SUPT3H: variants seen among roughly 807,000 people sequenced by gnomAD.
SUPT3H encodes SPT3 homolog, SAGA and STAGA complex component.
Under a neutral mutation model 44.3 loss-of-function variants are expected in SUPT3H, and 44 were observed. The ratio of observed to expected loss-of-function variants is 0.99; its 90% CI spans 0.78 to 1.28. The LOEUF (loss-of-function observed/expected upper bound fraction) is 1.28, where lower values mean the gene tolerates loss of function less well. Among genes scored for constraint, SUPT3H ranks in the 50% most tolerant of loss-of-function variants. The probability of loss-of-function intolerance (pLI) is 0.00; values close to 1 mark genes in which losing one functional copy is unlikely to be tolerated. For synonymous variants in SUPT3H, 124 were observed against 125.6 expected, an observed-to-expected ratio of 0.99 and a Z score of 0.09; for missense variants, 380 against 387.1, an observed-to-expected ratio of 0.98 and a Z score of 0.15.
intron 3 of SUPT3H, among the ~76,000 whole-genome samples, chr6:45,069,323 C>T (rs770476175): frequency 6.6e-6 from 1 of 152,156 alleles, no homozygotes; most frequent in Middle Eastern, 3.4e-3. Flanking sequence ...TGACAAAAAA[C>T]GTGTTTAGGT....
chr6:44,906,504 C>T (rs1282224972), intron 10 of SUPT3H, among the ~76,000 whole-genome samples: 1 of 152,192 alleles, frequency 6.6e-6, no homozygotes, highest in Non-Finnish European at 1.5e-5. Context: ...TGGCTCATGC[C>T]TGTAATCGCA....
intron 2 of SUPT3H, among the ~76,000 whole-genome samples, chr6:45,108,170 A>G (rs145496618): frequency 1.3e-5 from 2 of 152,320 alleles, no homozygotes; most frequent in East Asian, 3.9e-4. Flanking sequence ...AGGCAAAGCA[A>G]TTAGGTAAGA....
chr6:45,062,314 T>C (rs1467444140), intron 3 of SUPT3H, among the ~76,000 whole-genome samples: 1 of 152,202 alleles, frequency 6.6e-6, no homozygotes, highest in Non-Finnish European at 1.5e-5. Context: ...TACTAAATTC[T>C]AGTTTTCAAG....
chr6:45,335,396 G>C (rs1418335049), intron 2 of SUPT3H, among the ~76,000 whole-genome samples: 1 of 151,138 alleles, frequency 6.6e-6, no homozygotes, highest in East Asian at 1.9e-4. Context: ...ACCTACTGCT[G>C]TATCACTATA....
chr6:45,215,769 T>C (rs912209713), intron 2 of SUPT3H, among the ~76,000 whole-genome samples: 6 of 152,104 alleles, frequency 3.9e-5, no homozygotes, highest in South Asian at 2.1e-4. Flanking sequence ...AGAAAACATG[T>C]TTAATGAAAT....
At chr6:45,237,295 C>A (rs1295794867) in intron 2 of SUPT3H, among the ~76,000 whole-genome samples, 2 of 152,156 alleles carry the variant, frequency 1.3e-5, no homozygotes, top group Non-Finnish European at 2.9e-5. Context: ...TCAACCCACT[C>A]AATTTAACAT....
rs141745038 is a variant in SUPT3H, at chr6:44,890,917, C to T, written c.912+41736G>A. Among the ~76,000 whole-genome samples, 986 of 144,656 alleles carry T rather than the reference C, an allele frequency of 6.8e-3. 13 individuals carry two copies. Among genetic ancestry groups the T allele is most frequent in the African/African-American group, 0.024 (929 of 39,232 alleles). The allele number at this position is 144,656 out of a possible 152,430, so 94.9% of individuals were successfully genotyped here. ...GAACAGAAAACCAAACACTGCAAGT[C>T]GGAGTTGAACAATAAGAACACAAGG... On this transcript the variant is annotated intron_variant, in intron 10 of 10. Transcript: ENST00000371459.
At chr6:45,070,647 A>G (rs1252578176) in intron 3 of SUPT3H, among the ~76,000 whole-genome samples, 2 of 150,450 alleles carry the variant, frequency 1.3e-5, no homozygotes, top group Non-Finnish European at 2.9e-5. Context: ...AGGCAGGAGA[A>G]TCACTTGAAC....
intron 2 of SUPT3H, among the ~76,000 whole-genome samples, chr6:45,236,942 T>C (rs925843798): frequency 6.6e-6 from 1 of 152,164 alleles, no homozygotes; most frequent in African/African-American, 2.4e-5. Context: ...GGTTTAAATT[T>C]AAAAGGAGTG....
At chr6:44,958,527 T>G (rs974130507) in intron 7 of SUPT3H, among the ~76,000 whole-genome samples, 2 of 152,150 alleles carry the variant, frequency 1.3e-5, no homozygotes, top group African/African-American at 4.8e-5. Flanking sequence ...TTCCTTTCCT[T>G]TATACATATT....
intron 2 of SUPT3H, among the ~76,000 whole-genome samples, chr6:45,142,764 A>AAAAAAAAAAAAG (rs1805441110): frequency 2.4e-5 from 3 of 127,032 alleles, no homozygotes; most frequent in African/African-American, 8.7e-5. Context: ...AAAAAAAAAA[A>AAAAAAAAAAAAG]GCAGAATGGC....
chr6:45,226,813 G>C (rs533650437), intron 2 of SUPT3H, among the ~76,000 whole-genome samples: 1 of 152,102 alleles, frequency 6.6e-6, no homozygotes, highest in South Asian at 2.1e-4. Context: ...ACAGGCGTGA[G>C]CCACTGCGCC....
intron 2 of SUPT3H, among the ~76,000 whole-genome samples, chr6:45,162,337 A>G (rs113956205): frequency 0.027 from 4,181 of 152,130 alleles, 220 homozygotes; most frequent in African/African-American, 0.095. Context: ...AGGCCTGGGC[A>G]ACATAGCAAG....
intron 2 of SUPT3H, among the ~76,000 whole-genome samples, chr6:45,312,655 A>C (rs1784124069): frequency 1.4e-5 from 2 of 139,396 alleles, no homozygotes; most frequent in Non-Finnish European, 3.1e-5. Flanking sequence ...CAGACCTAAA[A>C]ATGAGATAGA....
At chr6:44,969,331 T>C (rs1338926132) in intron 6 of SUPT3H, among the ~76,000 whole-genome samples, 1 of 152,232 alleles carries the variant, frequency 6.6e-6, no homozygotes, top group African/African-American at 2.4e-5. Context: ...AGCATATACA[T>C]TATACTTTTG....
At chr6:44,979,637 C>T (rs1251847826) in intron 6 of SUPT3H, among the ~76,000 whole-genome samples, 1 of 152,116 alleles carries the variant, frequency 6.6e-6, no homozygotes, top group African/African-American at 2.4e-5. Flanking sequence ...GTAATCTCTA[C>T]AGCCTCCTTG....
intron 3 of SUPT3H, among the ~76,000 whole-genome samples, chr6:45,093,396 A>G (rs1222638671): frequency 6.6e-6 from 1 of 152,170 alleles, no homozygotes; most frequent in African/African-American, 2.4e-5. Context: ...ATGTTTACTA[A>G]CTGTTATTTT....
intron 2 of SUPT3H, among the ~76,000 whole-genome samples, chr6:45,140,026 C>A (rs555032598): frequency 6.6e-6 from 1 of 152,046 alleles, no homozygotes; most frequent in African/African-American, 2.4e-5. Context: ...AAGGTCTGAG[C>A]GGGGTACTAT....
At position 45,060,532 on chromosome 6, in the gene SUPT3H, G is replaced by A. The variant is rs1435433847; in HGVS notation, c.187-39900C>T. 2.6e-5 allele frequency among the ~76,000 whole-genome samples: 4 copies of A among 151,378 alleles called. No individual in the cohort carries two copies. In the East Asian group the frequency reaches 5.8e-4, roughly 22 times the overall value. ...CAATAGCATTCTGGACACAGGCATG[G>A]GCAAAGATTTCATGACAAAACCACC... On this transcript the variant is annotated intron_variant, in intron 3 of 10. Coordinates refer to ENST00000371459, the MANE Select transcript of SUPT3H (RefSeq NM_003599.4).
Sources: gnomAD v4.1 joint callset for allele counts (sites outside exome capture counted in the v4.1 genomes callset) on GRCh38, gnomAD v4.1.1 for gene constraint, MANE v1.5 for transcripts, NCBI Gene and HGNC (gene_info 2026-07-23, HGNC 2026-07-21) for gene names.